Variants in CAMKMT observed in about 807,000 individuals in gnomAD.
CAMKMT encodes CaM KMT.
Under a neutral mutation model 48.0 loss-of-function variants are expected in CAMKMT, and 53 were observed. That is an observed-to-expected ratio of 1.10 (90% confidence interval 0.89 to 1.39). The LOEUF is 1.39. Ranked by LOEUF, CAMKMT falls within the 40% of genes most tolerant of loss-of-function variation. The probability of loss-of-function intolerance (pLI) is 0.00; values close to 1 mark genes in which losing one functional copy is unlikely to be tolerated. For missense variants in CAMKMT, 428 were observed against 402.7 expected (o/e 1.06, Z -0.54); for synonymous variants, 165 against 152.3 (o/e 1.08, Z -0.61).
chr2:44,639,339 T>C (rs1673318033), intron 3 of CAMKMT, among the ~76,000 whole-genome samples: 2 of 152,212 alleles, frequency 1.3e-5, no homozygotes, highest in South Asian at 4.1e-4. Context: ...ATCTTTCAGA[T>C]TTCCTGGGGG....
intron 1 of CAMKMT, among the ~76,000 whole-genome samples, chr2:44,366,540 C>G (rs956907602): frequency 6.6e-6 from 1 of 152,062 alleles, no homozygotes; most frequent in Admixed American, 6.5e-5. Flanking sequence ...TCATATAAGT[C>G]TTCCATAAGT....
At chr2:44,378,078 G>A (rs1679874675) in intron 2 of CAMKMT, among the ~76,000 whole-genome samples, 2 of 152,190 alleles carry the variant, frequency 1.3e-5, no homozygotes, top group East Asian at 1.9e-4. Flanking sequence ...TTTATTGTTA[G>A]TAGTGATATT....
chr2:44,669,173 G>A (rs1675183859), intron 3 of CAMKMT, among the ~76,000 whole-genome samples: 2 of 151,986 alleles, frequency 1.3e-5, no homozygotes, highest in Admixed American at 6.6e-5. Context: ...GCATGTTTTG[G>A]ACTTATGTAT....
intron 3 of CAMKMT, among the ~76,000 whole-genome samples, chr2:44,703,771 T>TA (rs547342457): frequency 0.1 from 8,633 of 83,864 alleles, 451 homozygotes; most frequent in Admixed American, 0.15. Context: ...AGCAAGACTC[T>TA]AAAAAAAAAA....
At chr2:44,488,870 TGTGTGTG>T (rs1669342381) in intron 3 of CAMKMT, among the ~76,000 whole-genome samples, 4 of 148,464 alleles carry the variant, frequency 2.7e-5, no homozygotes, top group Non-Finnish European at 6.0e-5. Flanking sequence ...TGTGTGTGTG[TGTGTGTG>T]TTTTAAGAAA....
chr2:44,547,822 A>G (rs891722426), intron 3 of CAMKMT, among the ~76,000 whole-genome samples: 3 of 152,182 alleles, frequency 2.0e-5, no homozygotes, highest in African/African-American at 4.8e-5. Context: ...CTTATCTCTA[A>G]CGGCCTAAAT....
At chr2:44,387,372 T>C (rs1680875703) in intron 2 of CAMKMT, among the ~76,000 whole-genome samples, 1 of 152,184 alleles carries the variant, frequency 6.6e-6, no homozygotes, top group East Asian at 1.9e-4. Context: ...ATGAAATGCC[T>C]TTTTCCACCC....
chr2:44,516,976 A>G (rs1670862811), intron 3 of CAMKMT, among the ~76,000 whole-genome samples: 1 of 152,140 alleles, frequency 6.6e-6, no homozygotes, highest in Non-Finnish European at 1.5e-5. Context: ...TCCTGACCTC[A>G]AATGATCCAC....
At chr2:44,564,967 C>T (rs1309316622) in intron 3 of CAMKMT, among the ~76,000 whole-genome samples, 1 of 152,204 alleles carries the variant, frequency 6.6e-6, no homozygotes, top group African/African-American at 2.4e-5. Context: ...AAGATGAAAC[C>T]ATAGTCCAAA....
At chr2:44,664,478 G>A (rs1674850936) in intron 3 of CAMKMT, among the ~76,000 whole-genome samples, 1 of 152,202 alleles carries the variant, frequency 6.6e-6, no homozygotes, top group South Asian at 2.1e-4. Flanking sequence ...TAGAATAGAT[G>A]TGTAATAGAC....
chr2:44,375,340 A>T (rs1362356160), intron 2 of CAMKMT, among the ~76,000 whole-genome samples: 1 of 151,846 alleles, frequency 6.6e-6, no homozygotes, highest in Non-Finnish European at 1.5e-5. Flanking sequence ...GTTAAATTCA[A>T]ACCAATAAAT....
intron 3 of CAMKMT, among the ~76,000 whole-genome samples, chr2:44,476,474 C>T (rs537247604): frequency 6.6e-6 from 1 of 151,780 alleles, no homozygotes; most frequent in Admixed American, 6.6e-5. Context: ...GAAATGTGTT[C>T]ATTTTATTGT....
intron 3 of CAMKMT, among the ~76,000 whole-genome samples, chr2:44,500,794 G>A (rs1669970393): frequency 2.0e-5 from 3 of 150,590 alleles, no homozygotes; most frequent in Admixed American, 6.7e-5. Context: ...CGATTCTCCT[G>A]CCTCAGCCTC....
chr2:44,495,730 T>C (rs1669722488), intron 3 of CAMKMT, among the ~76,000 whole-genome samples: 1 of 152,178 alleles, frequency 6.6e-6, no homozygotes, highest in African/African-American at 2.4e-5. Context: ...TCTAGTCAGC[T>C]CCATTCTTTA....
In CAMKMT at chr2:44,542,544, CTCTCTCTCTCTCTT is replaced by C. The variant is rs1558690203; in HGVS notation, c.376+152248_376+152261del. 1.5e-4 allele frequency among the ~76,000 whole-genome samples: 9 copies of C among 58,540 alleles called. No individual in the cohort carries two copies. The East Asian group carries it at 2.3e-3, about 15-fold the overall frequency. 38.4% of individuals were successfully genotyped at this position (58,540 alleles called of 152,430 possible). Reference sequence around the variant, plus strand: ...ACACACACACACACACACACTCTCTCTCTCTCTCTCTCTTTCTCTCTCCATATATGTATATATTT... The same window carrying C: ...ACACACACACACACACACACTCTCTCTCTCTCTCCATATATGTATATATTT... On this transcript the variant is annotated intron_variant, in intron 3 of 10. Coordinates refer to ENST00000378494, the MANE Select transcript of CAMKMT (RefSeq NM_024766.5).
intron 3 of CAMKMT, among the ~76,000 whole-genome samples, chr2:44,425,932 T>C (rs1156921476): frequency 2.6e-5 from 4 of 152,184 alleles, no homozygotes; most frequent in Non-Finnish European, 5.9e-5. Context: ...GATTTCACCA[T>C]GTTGGTCAGG....
chr2:44,543,288 C>T (rs1341343281), intron 3 of CAMKMT, among the ~76,000 whole-genome samples: 4 of 152,098 alleles, frequency 2.6e-5, no homozygotes, highest in Non-Finnish European at 4.4e-5. Context: ...CTATTTCTTC[C>T]AGTATGATTT....
intron 3 of CAMKMT, among the ~76,000 whole-genome samples, chr2:44,692,455 C>A (rs964014059): frequency 6.6e-6 from 1 of 152,312 alleles, no homozygotes; most frequent in South Asian, 2.1e-4. Flanking sequence ...ATTTCGTTAA[C>A]ATGTTTTATT....
At chr2:44,759,864 A>G (rs772454419) in intron 9 of CAMKMT, among the ~76,000 whole-genome samples, 12 of 152,234 alleles carry the variant, frequency 7.9e-5, no homozygotes, top group Non-Finnish European at 1.3e-4. Flanking sequence ...GGTTGTGGAG[A>G]TATAACATAC....
Sources: gnomAD v4.1 joint callset for allele counts (sites outside exome capture counted in the v4.1 genomes callset) on GRCh38, gnomAD v4.1.1 for gene constraint, MANE v1.5 for transcripts, NCBI Gene and HGNC (gene_info 2026-07-23, HGNC 2026-07-21) for gene names.